Variants in DLGAP2 observed in about 807,000 individuals in gnomAD.
The protein encoded by DLGAP2 is disks large-associated protein 2.
Under a neutral mutation model 100.3 loss-of-function variants are expected in DLGAP2, and 26 were observed. The observed-to-expected ratio is 0.26, with a 90% CI of 0.19 to 0.36. The LOEUF (loss-of-function observed/expected upper bound fraction) is 0.36, where lower values mean the gene tolerates loss of function less well. Among genes scored for constraint, DLGAP2 ranks in the 10% least tolerant of loss-of-function variants. The pLI, the probability that DLGAP2 is intolerant of heterozygous loss-of-function variation, is 1.00. For missense variants in DLGAP2, 1,858 were observed against 1,453.2 expected (o/e 1.28, Z -4.53); for synonymous variants, 886 against 630.1 (o/e 1.41, Z -6.08).
At chr8:1,237,235 G>A (rs1371988699) in intron 2 of DLGAP2, among the ~76,000 whole-genome samples, 7 of 140,210 alleles carry the variant, frequency 5.0e-5, no homozygotes, top group South Asian at 2.3e-4. Context: ...ACATGGCGCC[G>A]TGTCTAGTTC....
chr8:1,013,569 G>A (rs1324249165), intron 2 of DLGAP2, among the ~76,000 whole-genome samples: 2 of 152,140 alleles, frequency 1.3e-5, no homozygotes, highest in Non-Finnish European at 2.9e-5. Context: ...CAGCACTAGT[G>A]TGACCTGGCC....
intron 13 of DLGAP2, among the ~76,000 whole-genome samples, 197 bp downstream of exon 13, chr8:1,691,823 G>T (rs113398488): frequency 6.6e-6 from 1 of 150,878 alleles, no homozygotes; most frequent in African/African-American, 2.4e-5. Flanking sequence ...ACCGAGGCAG[G>T]GAGGCGGATA....
intron 3 of DLGAP2, among the ~76,000 whole-genome samples, chr8:1,280,395 T>A (rs190574698): frequency 6.6e-6 from 1 of 152,356 alleles, no homozygotes; most frequent in African/African-American, 2.4e-5. Flanking sequence ...TCATAATACT[T>A]ATTTATCTCT....
At chr8:1,352,727 G>C (rs114297664) in intron 3 of DLGAP2, among the ~76,000 whole-genome samples, 1 of 152,060 alleles carries the variant, frequency 6.6e-6, no homozygotes, top group African/African-American at 2.4e-5. Context: ...TTTACAGCTC[G>C]CTGTGCCCTG....
chr8:1,576,582 T>C (rs1234456787), intron 6 of DLGAP2, among the ~76,000 whole-genome samples: 2 of 152,228 alleles, frequency 1.3e-5, no homozygotes, highest in African/African-American at 2.4e-5. Flanking sequence ...GGTTTTCTTC[T>C]AGGATTTTTA....
At chr8:1,088,841 G>A (rs7820915) in intron 2 of DLGAP2, among the ~76,000 whole-genome samples, 2 of 17,874 alleles carry the variant, frequency 1.1e-4, no homozygotes, top group Non-Finnish European at 2.4e-4. Flanking sequence ...TGCCATTCTC[G>A]CTCCCCCCAC....
chr8:1,235,201 C>T (rs1226521464), intron 2 of DLGAP2, among the ~76,000 whole-genome samples: 4 of 143,926 alleles, frequency 2.8e-5, no homozygotes, highest in African/African-American at 5.2e-5. Context: ...TCACACATGG[C>T]GTCATGTCTA....
intron 1 of DLGAP2, among the ~76,000 whole-genome samples, chr8:898,149 G>T (rs1458099598): frequency 2.0e-5 from 3 of 152,200 alleles, no homozygotes; most frequent in Non-Finnish European, 4.4e-5. Context: ...GCAGGAAAGC[G>T]CTCAGTCAGC....
intron 2 of DLGAP2, among the ~76,000 whole-genome samples, chr8:1,233,223 C>G (rs1798573820): frequency 6.6e-6 from 1 of 152,182 alleles, no homozygotes; most frequent in African/African-American, 2.4e-5. Flanking sequence ...GTTTCTGCCT[C>G]TTGGCTATGA....
chr8:906,615 G>C (rs1189251842), intron 1 of DLGAP2, among the ~76,000 whole-genome samples: 1 of 152,132 alleles, frequency 6.6e-6, no homozygotes, highest in African/African-American at 2.4e-5. Context: ...GACCCTAGAG[G>C]CTCAGACTGC....
intron 6 of DLGAP2, among the ~76,000 whole-genome samples, chr8:1,579,766 C>A (rs758125601): frequency 6.6e-6 from 1 of 152,204 alleles, no homozygotes; most frequent in Non-Finnish European, 1.5e-5. Context: ...AATACAGCCA[C>A]GTTCACTATT....
At chr8:1,335,449 C>T (rs969990194) in intron 3 of DLGAP2, among the ~76,000 whole-genome samples, 1 of 152,188 alleles carries the variant, frequency 6.6e-6, no homozygotes, top group African/African-American at 2.4e-5. Flanking sequence ...AGACCCAAAA[C>T]CAAACGGGAC....
chr8:966,343 C>T (rs914748324), intron 2 of DLGAP2, among the ~76,000 whole-genome samples: 1 of 152,264 alleles, frequency 6.6e-6, no homozygotes, highest in East Asian at 1.9e-4. Flanking sequence ...TGACATGTTT[C>T]TGATAAATCA....
chr8:1,645,463 T>C (rs894797730), intron 8 of DLGAP2, among the ~76,000 whole-genome samples: 1 of 152,236 alleles, frequency 6.6e-6, no homozygotes, highest in Non-Finnish European at 1.5e-5. Flanking sequence ...TTAAACGTGT[T>C]TCCCACTTAC....
intron 1 of DLGAP2, among the ~76,000 whole-genome samples, chr8:752,953 C>T (rs933039365): frequency 2.0e-5 from 3 of 152,188 alleles, no homozygotes; most frequent in African/African-American, 7.2e-5. Flanking sequence ...CAATTATTAT[C>T]ATGTGAAAAA....
chr8:1,344,925 T>A (rs1006938711), intron 3 of DLGAP2, among the ~76,000 whole-genome samples: 14 of 152,134 alleles, frequency 9.2e-5, no homozygotes, highest in Non-Finnish European at 2.1e-4. Context: ...AAGGACAGGG[T>A]CTTGGTGAAG....
chr8:1,184,920 A>G (rs779068050), intron 2 of DLGAP2, among the ~76,000 whole-genome samples: 9 of 152,260 alleles, frequency 5.9e-5, no homozygotes, highest in Non-Finnish European at 8.8e-5. Flanking sequence ...CTTGCCCCAA[A>G]TCATATAACC....
At chr8:1,207,308 T>G (rs1798017600) in intron 2 of DLGAP2, among the ~76,000 whole-genome samples, 1 of 152,222 alleles carries the variant, frequency 6.6e-6, no homozygotes, top group African/African-American at 2.4e-5. Context: ...TAGCTCCCAC[T>G]TGTAAGTGAG....
At chr8:1,086,207 A>C (rs557703669) in intron 2 of DLGAP2, among the ~76,000 whole-genome samples, 11 of 152,342 alleles carry the variant, frequency 7.2e-5, no homozygotes, top group African/African-American at 2.6e-4. Flanking sequence ...TGTCATCTGC[A>C]AACAGGAACA....
Sources: allele counts gnomAD v4.1 joint callset (sites outside exome capture counted in the v4.1 genomes callset), GRCh38; gene constraint gnomAD v4.1.1; transcripts MANE v1.5; gene names NCBI Gene and HGNC (gene_info 2026-07-23, HGNC 2026-07-21).